The following RELN variants were observed in gnomAD, a reference collection of about 807,000 sequenced individuals.
The protein encoded by RELN is reelin.
Under a neutral mutation model 427.6 loss-of-function variants are expected in RELN, and 108 were observed. That is an observed-to-expected ratio of 0.25 (90% CI 0.22 to 0.30). The LOEUF (loss-of-function observed/expected upper bound fraction) is 0.30. Among genes scored for constraint, RELN ranks in the 10% least tolerant of loss-of-function variants. RELN has a pLI of 1.00. For missense variants in RELN, 3,715 were observed against 4,302.8 expected, an observed-to-expected ratio of 0.86 and a Z score of 3.82; for synonymous variants, 1,524 against 1,513.4, an observed-to-expected ratio of 1.01 and a Z score of -0.16.
At chr7:103,970,342 C>T (rs1195457703) in intron 1 of RELN, among the ~76,000 whole-genome samples, 2 of 151,960 alleles carry the variant, frequency 1.3e-5, no homozygotes, top group Non-Finnish European at 2.9e-5. Context: ...TGGGGTTTCA[C>T]CACTTTGGCC....
chr7:103,800,266 G>A (rs1792413547), intron 3 of RELN, among the ~76,000 whole-genome samples: 3 of 152,308 alleles, frequency 2.0e-5, no homozygotes, highest in Admixed American at 2.0e-4. Flanking sequence ...ATCTCCTTCA[G>A]CTGATAAGCA....
chr7:103,604,221 TG>T, intron 23 of RELN, 124 bp downstream of exon 23: 1 of 1,086,394 alleles, frequency 9.2e-7, no homozygotes, highest in Non-Finnish European at 1.4e-6. Context: ...AAGGAGGACT[TG>T]TTTCTTTTGG....
rs887423293 is a variant in RELN at position 103,824,959 on chromosome 7, G to C, written c.473+8578C>G. ...GATCAAAACACACCTGTCTTTGCGA[G>C]TTTTTGAAGCTCTTGCTTCAAATAA... On this transcript the variant is annotated intron_variant, in intron 3 of 64. Transcript: ENST00000428762. This position sits in a 1 kb window ranked among gnomAD's most constrained non-coding sequence, Gnocchi z 4.4. Among the ~76,000 whole-genome samples, 1 of 149,816 alleles carries C rather than the reference G, an allele frequency of 6.7e-6. No homozygotes were observed. Among genetic ancestry groups the C allele is most frequent in the Non-Finnish European group, 1.5e-5 (1 of 67,126 alleles).
At chr7:103,792,010 G>A (rs567017234) in intron 3 of RELN, among the ~76,000 whole-genome samples, 159 of 152,200 alleles carry the variant, frequency 1.0e-3, no homozygotes, top group Middle Eastern at 3.4e-3. Context: ...GAAATGCAAT[G>A]AAATGAAATA....
At chr7:103,512,908 A>ATAAT (rs1312493369) in intron 50 of RELN, 1 of 152,202 alleles carries the variant, frequency 6.6e-6, no homozygotes, top group African/African-American at 2.4e-5. Flanking sequence ...CCAGATAACT[A>ATAAT]TAATTCAGCC....
intron 26 of RELN, among the ~76,000 whole-genome samples, chr7:103,594,112 G>A (rs1831483594): frequency 6.6e-6 from 1 of 152,072 alleles, no homozygotes. Flanking sequence ...TAACGATTTT[G>A]CTTGATGATT....
chr7:103,769,662 G>A (rs1415562279), intron 4 of RELN, among the ~76,000 whole-genome samples: 1 of 152,122 alleles, frequency 6.6e-6, no homozygotes, highest in East Asian at 1.9e-4. Flanking sequence ...TAAGAAAAAA[G>A]TAGCCTCTGA....
At chr7:103,619,810 C>T (rs1832174569) in intron 20 of RELN, among the ~76,000 whole-genome samples, 1 of 152,058 alleles carries the variant, frequency 6.6e-6, no homozygotes, top group Non-Finnish European at 1.5e-5. Flanking sequence ...AAGAATCAAT[C>T]CTCACAGCTC....
intron 2 of RELN, among the ~76,000 whole-genome samples, chr7:103,835,336 A>G (rs757777383): frequency 8.5e-5 from 13 of 152,166 alleles, no homozygotes; most frequent in Non-Finnish European, 1.6e-4. Context: ...TTCTTAAGGG[A>G]ACGAAACTAC....
chr7:103,904,252 T>A (rs758681156), intron 2 of RELN, among the ~76,000 whole-genome samples: 1 of 152,170 alleles, frequency 6.6e-6, no homozygotes, highest in African/African-American at 2.4e-5. Context: ...ATCTAGTCTA[T>A]CACTGATGGG....
At chr7:103,861,504 A>G (rs993702853) in intron 2 of RELN, among the ~76,000 whole-genome samples, 1 of 152,166 alleles carries the variant, frequency 6.6e-6, no homozygotes, top group Non-Finnish European at 1.5e-5. Flanking sequence ...GCCTGACTAT[A>G]TACTAGGTAA....
rs1318654028 is a variant in RELN at position 103,968,829 on chromosome 7, C to A, written c.226+20302G>T. Among the ~76,000 whole-genome samples, 1 of 152,050 alleles carries A rather than the reference C, an allele frequency of 6.6e-6. No homozygotes were observed. The highest frequency in any genetic ancestry group is 2.4e-5 in the African/African-American group (1 of 41,396). The stretch of plus-strand genomic sequence containing the variant: ...ACAACAAAAACAATTACAGACAAAA[C>A]TTCATAATATTTAAAAGAATTTGTA... On this transcript the variant is annotated intron_variant, in intron 1 of 64. Transcript: ENST00000428762. This position sits in a 1 kb window ranked among gnomAD's most constrained non-coding sequence, Gnocchi z 4.3.
rs148376225 is a variant in RELN at position 103,921,126 on chromosome 7, C to T, written c.227-3941G>A. Among the ~76,000 whole-genome samples the T allele has an allele frequency of 2.9e-3, 449 of 152,230 alleles. 2 individuals carry two copies. The highest frequency in any genetic ancestry group is 0.01 in the African/African-American group (421 of 41,534). On this transcript the variant is annotated intron_variant, in intron 1 of 64. Coordinates refer to ENST00000428762, the MANE Select transcript of RELN (RefSeq NM_005045.4). Reference sequence around the variant, plus strand: ...TGTAATTTGGGTTTTATTAACTAGACGGGCAGAGATATTTAGAAATAGTTC... The same window carrying T: ...TGTAATTTGGGTTTTATTAACTAGATGGGCAGAGATATTTAGAAATAGTTC...
intron 2 of RELN, among the ~76,000 whole-genome samples, chr7:103,883,189 A>T (rs191375145): frequency 1.3e-5 from 2 of 152,344 alleles, no homozygotes; most frequent in East Asian, 1.9e-4. Context: ...TAAAAACCAC[A>T]TGATTATCTC....
chr7:103,685,301 C>G (rs1258015084), intron 10 of RELN, among the ~76,000 whole-genome samples: 1 of 152,072 alleles, frequency 6.6e-6, no homozygotes, highest in Non-Finnish European at 1.5e-5. Context: ...TATGCAATAA[C>G]AATTCAAATC....
chr7:103,761,296 A>C (rs1446993169), intron 4 of RELN, among the ~76,000 whole-genome samples: 1 of 152,232 alleles, frequency 6.6e-6, no homozygotes, highest in Non-Finnish European at 1.5e-5. Context: ...AAACATTAAA[A>C]ATTATGGCTC....
chr7:103,838,208 C>CAAGAAAAAAAAA, intron 2 of RELN, among the ~76,000 whole-genome samples: 1 of 81,100 alleles, frequency 1.2e-5, no homozygotes, highest in African/African-American at 5.0e-5. Flanking sequence ...GACTTCGTCT[C>CAAGAAAAAAAAA]AAAAAAAAAA....
chr7:103,930,731 G>C (rs1260251543), intron 1 of RELN, among the ~76,000 whole-genome samples: 1 of 152,078 alleles, frequency 6.6e-6, no homozygotes, highest in Non-Finnish European at 1.5e-5. Context: ...CCTCCCCAAA[G>C]TACTGGGATT....
At chr7:103,669,193 T>C (rs1833337041) in intron 11 of RELN, among the ~76,000 whole-genome samples, 1 of 152,212 alleles carries the variant, frequency 6.6e-6, no homozygotes, top group Non-Finnish European at 1.5e-5. Flanking sequence ...AAAGTGAAGT[T>C]ACTTCCTTTA....
Sources: allele counts gnomAD v4.1 joint callset (sites outside exome capture counted in the v4.1 genomes callset), GRCh38; gene constraint gnomAD v4.1.1; non-coding constraint Gnocchi (gnomAD v3.1); transcripts MANE v1.5; gene names NCBI Gene and HGNC (gene_info 2026-07-23, HGNC 2026-07-21).